CFAP44: variants seen among roughly 807,000 people sequenced by gnomAD.
CFAP44 encodes the protein cilia- and flagella-associated protein 44.
Under a neutral mutation model 216.2 loss-of-function variants are expected in CFAP44, and 134 were observed. That is an observed-to-expected ratio of 0.62 (90% CI 0.54 to 0.72). The LOEUF is 0.72. CFAP44 is among the 30% of genes least tolerant of loss of function. The pLI is 0.00. For missense variants in CFAP44, 2,035 were observed against 2,182.1 expected (o/e 0.93, Z 1.34); for synonymous variants, 700 against 727.6 (o/e 0.96, Z 0.61).
At chr3:113,441,236 C>A (rs1935355212) in intron 1 of CFAP44, among the ~76,000 whole-genome samples, 1 of 152,242 alleles carries the variant, frequency 6.6e-6, no homozygotes, top group African/African-American at 2.4e-5. Flanking sequence ...CCCGGTCAGA[C>A]TGACAGGGTC....
chr3:113,420,949 T>A (rs1934799928), intron 4 of CFAP44, among the ~76,000 whole-genome samples: 1 of 152,172 alleles, frequency 6.6e-6, no homozygotes, highest in African/African-American at 2.4e-5. Flanking sequence ...TATGTGTTTG[T>A]GTGTATGTAT....
chr3:113,427,084 C>T (rs1182655261), intron 3 of CFAP44, 103 bp downstream of exon 3: 3 of 1,244,908 alleles, frequency 2.4e-6, no homozygotes, highest in Middle Eastern at 1.9e-4. Context: ...CACATATGTA[C>T]ATCCTGCACA....
intron 28 of CFAP44, among the ~76,000 whole-genome samples, chr3:113,314,370 C>T (rs1950068185): frequency 6.6e-6 from 1 of 152,150 alleles, no homozygotes; most frequent in South Asian, 2.1e-4. Flanking sequence ...AAGGAAATGA[C>T]ACAATGATTT....
intron 22 of CFAP44, among the ~76,000 whole-genome samples, chr3:113,352,998 C>A (rs970600028): frequency 1.3e-5 from 2 of 152,124 alleles, no homozygotes; most frequent in African/African-American, 4.8e-5. Flanking sequence ...GTCCCCAGAT[C>A]AGGGACGGAA....
Position 113,301,969 on chromosome 3 carries a change from TTC to T in CFAP44, c.5077+1945_5077+1946del, listed in dbSNP as rs535208072. 2.1e-3 allele frequency among the ~76,000 whole-genome samples: 326 copies of T among 152,126 alleles called. 1 individual carries two copies. The highest frequency in any genetic ancestry group is 3.1e-3 in the Admixed American group (47 of 15,246). ...ACAGACCCTGGTAACCATCATTCTA[TTC>T]TGTTTCTATGAGTTTAACTTTTTTA... On this transcript the variant is annotated intron_variant, in intron 32 of 34. Coordinates refer to ENST00000393845, the MANE Select transcript of CFAP44 (RefSeq NM_001164496.2).
chr3:113,396,807 A>G, intron 13 of CFAP44, 80 bp from the exon 14 acceptor site: 2 of 1,379,318 alleles, frequency 1.4e-6, no homozygotes, highest in Non-Finnish European at 2.0e-6. Context: ...TTTTATTTAG[A>G]CTCAGGTAAT....
Position 113,286,982 on chromosome 3 carries a change from T to A in CFAP44, c.*4575A>T. 1 of 1,024,238 alleles carries A rather than the reference T, an allele frequency of 9.8e-7. No homozygotes were observed. The highest frequency in any genetic ancestry group is 1.4e-6 in the Non-Finnish European group (1 of 691,414). The allele number at this position is 1,024,238 out of a possible 1,614,324, so 63.4% of individuals were successfully genotyped here. A position where few individuals can be genotyped will look rare whatever the true frequency, so the allele number is the denominator to read the frequency against. The stretch of plus-strand genomic sequence containing the variant: ...TATTATAGCCATATTTATATATTTA[T>A]GCACTTGTAAATAAATGTATATGTT... On this transcript the variant is annotated 3_prime_UTR_variant, in exon 35 of 35. Transcript: ENST00000393845.
At chr3:113,349,473 C>G (rs754143581) in intron 22 of CFAP44, among the ~76,000 whole-genome samples, 3 of 152,176 alleles carry the variant, frequency 2.0e-5, no homozygotes, top group Non-Finnish European at 2.9e-5. Context: ...TCAGACAAAC[C>G]TCGGTGGTTA....
intron 15 of CFAP44, among the ~76,000 whole-genome samples, chr3:113,391,580 G>A (rs992658112): frequency 1.3e-5 from 2 of 151,968 alleles, no homozygotes; most frequent in Non-Finnish European, 2.9e-5. Flanking sequence ...TTCATAAAGT[G>A]AATTAAATTC....
intron 15 of CFAP44, among the ~76,000 whole-genome samples, chr3:113,381,534 C>A (rs1456854484): frequency 6.6e-6 from 1 of 152,164 alleles, no homozygotes; most frequent in Non-Finnish European, 1.5e-5. Context: ...AGGTTTTTGT[C>A]CTCTTCCCTC....
intron 6 of CFAP44, among the ~76,000 whole-genome samples, chr3:113,412,458 C>T (rs1934511708): frequency 6.6e-6 from 1 of 151,830 alleles, no homozygotes; most frequent in South Asian, 2.1e-4. Flanking sequence ...AAGTTTGTTA[C>T]ATAGGTATAT....
chr3:113,374,797 C>A (rs1933287505), intron 17 of CFAP44, among the ~76,000 whole-genome samples: 1 of 152,100 alleles, frequency 6.6e-6, no homozygotes, highest in South Asian at 2.1e-4. Context: ...ACTCCGTCCA[C>A]CTAATTTTTT....
chr3:113,303,615 C>T (rs76190888), intron 32 of CFAP44, among the ~76,000 whole-genome samples: 6,036 of 152,182 alleles, frequency 0.04, 399 homozygotes, highest in African/African-American at 0.14. Context: ...TGTATCTCAA[C>T]GTTTTCTTTC....
chr3:113,420,113 T>G lies in CFAP44; in HGVS notation c.474A>C (p.Ile158=), dbSNP rs1370032375. 2 of 1,613,902 alleles carry G rather than the reference T, an allele frequency of 1.2e-6. No homozygotes were observed. Among genetic ancestry groups the G allele is most frequent in the South Asian group, 2.2e-5 (2 of 91,054 alleles). ...AGATCAGTTGGTTCCCAGCTATGTA[T>G]ATGGCGATACTGTCGTCCAGAAGTT... is the stretch of plus-strand genomic sequence containing the variant. ...NLQLLDDSIA[I]YIAGNQLIFL... is the part of the protein sequence containing the mutation. The change falls in exon 5 of 35, where the codon ATA becomes ATC. Residue 158 remains isoleucine (I), a synonymous_variant. Coordinates refer to ENST00000393845, the MANE Select transcript of CFAP44 (RefSeq NM_001164496.2).
intron 4 of CFAP44, 97 bp downstream of exon 4, chr3:113,426,026 TG>T (rs1415211380): frequency 7.1e-7 from 1 of 1,410,340 alleles, no homozygotes; most frequent in Non-Finnish European, 9.6e-7. Flanking sequence ...CCAAAACAGG[TG>T]GGAAGGCACA....
intron 25 of CFAP44, 104 bp downstream of exon 25, chr3:113,333,302 T>TTA: frequency 1.0e-6 from 1 of 978,972 alleles, no homozygotes; most frequent in Non-Finnish European, 1.5e-6. Context: ...ATTTCTATGG[T>TTA]TATATATTCT....
intron 3 of CFAP44, 27 bp from the exon 4 acceptor site, chr3:113,426,304 A>G: frequency 1.2e-6 from 2 of 1,608,920 alleles, no homozygotes; most frequent in Non-Finnish European, 1.7e-6. Flanking sequence ...ATTTAAGAAG[A>G]GTGATATGGT....
intron 18 of CFAP44, among the ~76,000 whole-genome samples, chr3:113,368,256 C>T (rs1933028158): frequency 6.6e-6 from 1 of 152,146 alleles, no homozygotes; most frequent in Non-Finnish European, 1.5e-5. Flanking sequence ...AAAGATTCTC[C>T]TTGAAAAGAG....
At chr3:113,352,390 G>A (rs1950453555) in intron 22 of CFAP44, among the ~76,000 whole-genome samples, 3 of 152,120 alleles carry the variant, frequency 2.0e-5, no homozygotes, top group African/African-American at 7.2e-5. Context: ...CACTCTTTGG[G>A]TCTGCACCAC....
Sources: gnomAD v4.1 joint callset for allele counts (sites outside exome capture counted in the v4.1 genomes callset) on GRCh38, gnomAD v4.1.1 for gene constraint, MANE v1.5 for transcripts, NCBI Gene and HGNC (gene_info 2026-07-23, HGNC 2026-07-21) for gene names.